Variants in PTPRG observed in about 807,000 individuals in gnomAD.
The protein encoded by PTPRG is protein tyrosine phosphatase receptor type G, also known as receptor-type tyrosine-protein phosphatase gamma.
In PTPRG, 102 loss-of-function variants were observed where a neutral mutation model predicts 165.3. The observed-to-expected ratio is 0.62, with a 90% CI of 0.53 to 0.73. The LOEUF (loss-of-function observed/expected upper bound fraction) is 0.73, where lower values mean the gene tolerates loss of function less well. Ranked by LOEUF, PTPRG falls within the 30% of genes least tolerant of loss-of-function variation. The pLI, the probability that PTPRG is intolerant of heterozygous loss-of-function variation, is 0.00. For missense variants in PTPRG, 1,866 were observed against 1,861.4 expected (o/e 1.00, Z -0.05); for synonymous variants, 675 against 669.5 (o/e 1.01, Z -0.13).
Position 61,600,199 on chromosome 3 carries a change from T to TGC in PTPRG, c.85+37828_85+37829insCG, listed in dbSNP as rs1700823793. Among the ~76,000 whole-genome samples, 3 of 149,562 alleles carry TGC rather than the reference T, an allele frequency of 2.0e-5. No individual in the cohort carries two copies. In the South Asian group the frequency reaches 6.4e-4, roughly 32 times the overall value. ...ATATATATATATATATATATGTGTG[T>TGC]GTGTGTGTGTGTGTGTGTAAAATAG... is the stretch of plus-strand genomic sequence containing the variant. On this transcript the variant is annotated intron_variant, in intron 1 of 29. Coordinates refer to ENST00000474889, the MANE Select transcript of PTPRG (RefSeq NM_002841.4).
chr3:62,117,486 G>A lies in PTPRG; in HGVS notation c.616-15116G>A, dbSNP rs569202577. Among the ~76,000 whole-genome samples the A allele has an allele frequency of 5.2e-4, 79 of 152,200 alleles. 1 individual carries two copies. The highest frequency in any genetic ancestry group is 1.5e-3 in the South Asian group (7 of 4,820). ...TGTAAAAAGCTGTTTCTAGATTTTT[G>A]GAGATTTTCCTGTGATGTTTACAGG... is the stretch of plus-strand genomic sequence containing the variant. On this transcript the variant is annotated intron_variant, in intron 5 of 29. Transcript: ENST00000474889.
intron 1 of PTPRG, among the ~76,000 whole-genome samples, chr3:61,712,901 A>T (rs9862773): frequency 0.2 from 30,010 of 152,108 alleles, 3,079 homozygotes; most frequent in East Asian, 0.24. Context: ...ACATTTTTTG[A>T]GTCAGTACAC....
chr3:61,721,957 C>T (rs995432998), intron 1 of PTPRG, among the ~76,000 whole-genome samples: 2 of 152,052 alleles, frequency 1.3e-5, no homozygotes, highest in African/African-American at 4.8e-5. Context: ...CTTAGTATGG[C>T]AAGATGCAGC....
chr3:62,170,096 G>A (rs1009292557), intron 8 of PTPRG, among the ~76,000 whole-genome samples: 2 of 152,118 alleles, frequency 1.3e-5, no homozygotes, highest in Non-Finnish European at 1.5e-5. Context: ...CTCAAGAAAT[G>A]CTTGAGATTC....
chr3:62,173,288 G>A (rs1298289500), intron 8 of PTPRG, among the ~76,000 whole-genome samples: 3 of 151,698 alleles, frequency 2.0e-5, no homozygotes, highest in Non-Finnish European at 4.4e-5. Context: ...TCTGTGGTTG[G>A]TTGAATCCAT....
At chr3:61,615,761 G>T (rs1365348661) in intron 1 of PTPRG, among the ~76,000 whole-genome samples, 1 of 152,142 alleles carries the variant, frequency 6.6e-6, no homozygotes, top group Non-Finnish European at 1.5e-5. Context: ...GATAGTGGGA[G>T]TTCTTGCCAG....
At chr3:61,939,250 G>T (rs1387096709) in intron 2 of PTPRG, among the ~76,000 whole-genome samples, 1 of 152,132 alleles carries the variant, frequency 6.6e-6, no homozygotes, top group Non-Finnish European at 1.5e-5. Flanking sequence ...CTCACACGAG[G>T]TTTGCAAAGC....
At chr3:61,577,278 G>A (rs907298684) in intron 1 of PTPRG, among the ~76,000 whole-genome samples, 1 of 152,150 alleles carries the variant, frequency 6.6e-6, no homozygotes, top group African/African-American at 2.4e-5. Context: ...CCAAGTACTC[G>A]GATGACATCA....
At chr3:61,844,498 TTTG>T (rs2036747370) in intron 2 of PTPRG, among the ~76,000 whole-genome samples, 1 of 152,084 alleles carries the variant, frequency 6.6e-6, no homozygotes, top group Non-Finnish European at 1.5e-5. Context: ...GGCATCTGTT[TTTG>T]TTGTTGTTGT....
At chr3:61,766,057 A>G (rs2034005262) in intron 2 of PTPRG, among the ~76,000 whole-genome samples, 1 of 152,212 alleles carries the variant, frequency 6.6e-6, no homozygotes, top group African/African-American at 2.4e-5. Context: ...AACGTCTAAT[A>G]TATCTATCTC....
chr3:61,869,448 G>A (rs952434544), intron 2 of PTPRG, among the ~76,000 whole-genome samples: 22 of 152,142 alleles, frequency 1.4e-4, no homozygotes, highest in Non-Finnish European at 3.2e-4. Flanking sequence ...TTTCAGTCAG[G>A]TGGTTGCACG....
At chr3:61,564,173 G>C (rs1160193222) in intron 1 of PTPRG, among the ~76,000 whole-genome samples, 1 of 152,210 alleles carries the variant, frequency 6.6e-6, no homozygotes, top group Non-Finnish European at 1.5e-5. Context: ...CTCAGTATTT[G>C]GGTTAATCAT....
chr3:62,279,504 A>C (rs1301779837), intron 26 of PTPRG, among the ~76,000 whole-genome samples: 1 of 152,102 alleles, frequency 6.6e-6, no homozygotes, highest in Non-Finnish European at 1.5e-5. Flanking sequence ...TAAGGTTCAG[A>C]TTAATTTACC....
chr3:61,703,085 C>G (rs892707718), intron 1 of PTPRG, among the ~76,000 whole-genome samples: 2 of 151,978 alleles, frequency 1.3e-5, no homozygotes, highest in Non-Finnish European at 2.9e-5. Context: ...CTCGTTACCA[C>G]TACCCTCTGC....
At chr3:62,010,674 A>G (rs1431894827) in intron 4 of PTPRG, among the ~76,000 whole-genome samples, 1 of 152,210 alleles carries the variant, frequency 6.6e-6, no homozygotes, top group Non-Finnish European at 1.5e-5. Flanking sequence ...AAAATAAAAA[A>G]TAAAACTATA....
At chr3:61,945,989 A>ATTGC in intron 2 of PTPRG, among the ~76,000 whole-genome samples, 1 of 151,818 alleles carries the variant, frequency 6.6e-6, no homozygotes, top group South Asian at 2.1e-4. Context: ...TTCTTGATTG[A>ATTGC]TTGATTCATT....
chr3:62,165,227 C>T (rs1306559978), intron 7 of PTPRG, among the ~76,000 whole-genome samples: 1 of 152,164 alleles, frequency 6.6e-6, no homozygotes. Flanking sequence ...GATTTTTTCT[C>T]CATCTTTTTA....
At chr3:62,092,140 C>G (rs1701957751) in intron 5 of PTPRG, among the ~76,000 whole-genome samples, 1 of 149,432 alleles carries the variant, frequency 6.7e-6, no homozygotes, top group Non-Finnish European at 1.5e-5. Context: ...AATCTGTAAA[C>G]TCCTTAAGAC....
chr3:61,607,536 G>A (rs908444480), intron 1 of PTPRG, among the ~76,000 whole-genome samples: 1 of 152,140 alleles, frequency 6.6e-6, no homozygotes, highest in Non-Finnish European at 1.5e-5. Flanking sequence ...AAGGCAGCTC[G>A]ACAAACTCTT....
Sources: allele counts gnomAD v4.1 joint callset (sites outside exome capture counted in the v4.1 genomes callset), GRCh38; gene constraint gnomAD v4.1.1; transcripts MANE v1.5; gene names NCBI Gene and HGNC (gene_info 2026-07-23, HGNC 2026-07-21).